EIF4E1B: variants seen among roughly 807,000 people sequenced by gnomAD.
EIF4E1B encodes the protein eukaryotic translation initiation factor 4E type 1B.
Under a neutral mutation model 31.3 loss-of-function variants are expected in EIF4E1B, and 22 were observed. The ratio of observed to expected loss-of-function variants is 0.70; its 90% CI spans 0.50 to 1.00. EIF4E1B has a LOEUF of 1.00. EIF4E1B is among the 50% of genes least tolerant of loss of function. EIF4E1B has a pLI of 0.00. For synonymous variants in EIF4E1B, 126 were observed against 120.2 expected, an observed-to-expected ratio of 1.05 and a Z score of -0.31; for missense variants, 290 against 311.6, an observed-to-expected ratio of 0.93 and a Z score of 0.52.
At position 176,638,697 on chromosome 5, in the gene EIF4E1B, G is replaced by T. The variant is rs1452649041; in HGVS notation, c.-201-3346G>T. ...GCTCCATGTGCTCAGGGCATGGGAG[G>T]CTGGATCGCCTAAGAACCTTGCAAG... On this transcript the variant is annotated intron_variant, in intron 1 of 8. Transcript: ENST00000318682. This position sits in a 1 kb window ranked among gnomAD's most constrained non-coding sequence, Gnocchi z 4.3. 6.6e-6 allele frequency among the ~76,000 whole-genome samples: 1 copy of T among 152,236 alleles called. No individual in the cohort carries two copies. Among genetic ancestry groups the T allele is most frequent in the African/African-American group, 2.4e-5 (1 of 41,464 alleles).
rs2113452303 is a variant in EIF4E1B, at chr5:176,646,600, T to C, written c.*620T>C. On this transcript the variant is annotated 3_prime_UTR_variant, in exon 9 of 9. Transcript: ENST00000318682. The stretch of plus-strand genomic sequence containing the variant: ...GTGGATAAACTTGATAATAAAAGCT[T>C]AAGCATCTTTCTGTTCCTGTTTTAA... The C allele has an allele frequency of 6.6e-6, 1 of 152,444 alleles. No homozygotes were observed. Among genetic ancestry groups the C allele is most frequent in the South Asian group, 2.1e-4 (1 of 4,842 alleles). 9.4% of individuals were successfully genotyped at this position (152,444 alleles called of 1,614,324 possible). A position where few individuals can be genotyped will look rare whatever the true frequency, so the allele number is the denominator to read the frequency against.
At position 176,645,345 on chromosome 5, in the gene EIF4E1B, G is replaced by A. The variant is rs370180433; in HGVS notation, c.475-32G>A. 48 of 1,544,784 alleles carry A rather than the reference G, an allele frequency of 3.1e-5. No homozygotes were observed. The highest frequency in any genetic ancestry group is 1.6e-4 in the East Asian group (7 of 43,956). On this transcript the variant is annotated intron_variant, in intron 7 of 8. Coordinates refer to ENST00000318682, the MANE Select transcript of EIF4E1B (RefSeq NM_001099408.2). The surrounding 1 kb of genome is among the most constrained non-coding windows in gnomAD (Gnocchi z 5.4). ...GCAGGCCAGTCCCTATGTCCCAGCC[G>A]GTGATCTCACAACCCCCTACTTCGG...
In EIF4E1B at chr5:176,646,177, A is replaced by AC. The variant is rs1432546482; in HGVS notation, c.*199dup. The AC allele has an allele frequency of 3.6e-6, 2 of 552,562 alleles. No individual in the cohort carries two copies. The highest frequency in any genetic ancestry group is 5.9e-5 in the East Asian group (2 of 34,070). The allele number at this position is 552,562 out of a possible 1,614,324, so 34.2% of individuals were successfully genotyped here. On this transcript the variant is annotated 3_prime_UTR_variant, in exon 9 of 9. Coordinates refer to ENST00000318682, the MANE Select transcript of EIF4E1B (RefSeq NM_001099408.2). ...TGGGGGTAGTGGTGGCAGTCTGAGG[A>AC]CCTAGCTTGTCCTGGGGCCACAGGA...
At chr5:176,643,562 TC>T in intron 4 of EIF4E1B, 76 bp from the exon 5 acceptor site, 3 of 1,404,846 alleles carry the variant, frequency 2.1e-6, no homozygotes, top group Non-Finnish European at 3.0e-6. Context: ...GGGAGGGTCC[TC>T]CCTGTCAGTC....
chr5:176,634,456 A>G (rs549296650), intron 1 of EIF4E1B, among the ~76,000 whole-genome samples: 1 of 152,270 alleles, frequency 6.6e-6, no homozygotes, highest in South Asian at 2.1e-4. Context: ...TGAACAGAAA[A>G]TTGGTTCAGT....
At chr5:176,639,014 T>C (rs576026989) in intron 1 of EIF4E1B, among the ~76,000 whole-genome samples, 1 of 152,334 alleles carries the variant, frequency 6.6e-6, no homozygotes, top group African/African-American at 2.4e-5. Flanking sequence ...TTGGCCAGGC[T>C]ACTCTCGAAC....
intron 5 of EIF4E1B, chr5:176,644,113 G>A: frequency 1.7e-6 from 1 of 573,970 alleles, no homozygotes; most frequent in Non-Finnish European, 3.1e-6. Flanking sequence ...GGGTGAGAAG[G>A]CCTCGGCTGT....
intron 1 of EIF4E1B, among the ~76,000 whole-genome samples, chr5:176,635,840 G>A (rs866140336): frequency 3.3e-4 from 50 of 151,326 alleles, no homozygotes; most frequent in Admixed American, 7.9e-4. Flanking sequence ...TTTTTGAGAC[G>A]GAGTCTAGCT....
In EIF4E1B at chr5:176,646,061, G is replaced by T. The variant is rs1020516993; in HGVS notation, c.*81G>T. 52 of 1,231,240 alleles carry T rather than the reference G, an allele frequency of 4.2e-5. No individual in the cohort carries two copies. The highest frequency in any genetic ancestry group is 4.4e-5 in the Admixed American group (2 of 45,696). The allele number at this position is 1,231,240 out of a possible 1,614,324, so 76.3% of individuals were successfully genotyped here. ...CTTTGGGGGATGGGGCGGGACTGGG[G>T]ATCAGACAGCCTAGTTCTTACCTGT... On this transcript the variant is annotated 3_prime_UTR_variant, in exon 9 of 9. Coordinates refer to ENST00000318682, the MANE Select transcript of EIF4E1B (RefSeq NM_001099408.2).
chr5:176,640,335 T>C (rs368556763), intron 1 of EIF4E1B, among the ~76,000 whole-genome samples: 1 of 152,172 alleles, frequency 6.6e-6, no homozygotes, highest in South Asian at 2.1e-4. Context: ...CTAGCTGACC[T>C]CCCTTTGAAG....
rs1350575324 is a variant in EIF4E1B, at chr5:176,646,208, G to A, written c.*228G>A. On this transcript the variant is annotated 3_prime_UTR_variant, in exon 9 of 9. Coordinates refer to ENST00000318682, the MANE Select transcript of EIF4E1B (RefSeq NM_001099408.2). ...CTTGTCCTGGGGCCACAGGACAGCA[G>A]CAGGGTGGAAAAAACTCCTGAGGGT... 5 of 474,088 alleles carry A rather than the reference G, an allele frequency of 1.1e-5. No homozygotes were observed. The East Asian group carries it at 1.6e-4, about 16-fold the overall frequency. The allele number at this position is 474,088 out of a possible 1,614,324, so 29.4% of individuals were successfully genotyped here. A position where few individuals can be genotyped will look rare whatever the true frequency, so the allele number is the denominator to read the frequency against.
At chr5:176,637,300 G>T (rs574569263) in intron 1 of EIF4E1B, among the ~76,000 whole-genome samples, 1 of 152,278 alleles carries the variant, frequency 6.6e-6, no homozygotes, top group South Asian at 2.1e-4. Flanking sequence ...TCATCCAGGT[G>T]TGGTGATGTG....
At chr5:176,639,685 G>C (rs1440980731) in intron 1 of EIF4E1B, among the ~76,000 whole-genome samples, 1 of 152,152 alleles carries the variant, frequency 6.6e-6, no homozygotes, top group African/African-American at 2.4e-5. Flanking sequence ...GGGAAGCAAA[G>C]GCAGGAGAAT....
chr5:176,644,627 C>A, intron 6 of EIF4E1B, 188 bp downstream of exon 6: 1 of 615,514 alleles, frequency 1.6e-6, no homozygotes, highest in Non-Finnish European at 2.7e-6. Flanking sequence ...GCCCAAGCCG[C>A]ACCTTGGAGG....
chr5:176,644,348 T>C, intron 5 of EIF4E1B, 28 bp from the exon 6 acceptor site: 1 of 1,571,046 alleles, frequency 6.4e-7, no homozygotes, highest in South Asian at 1.2e-5. Flanking sequence ...GCCTTGACTT[T>C]TGGCATGGGG....
intron 3 of EIF4E1B, 47 bp downstream of exon 3, chr5:176,642,849 T>TCAC: frequency 8.5e-7 from 1 of 1,181,920 alleles, no homozygotes; most frequent in African/African-American, 3.5e-5. Context: ...GGCCCCGCCC[T>TCAC]CTCCCCCCCC....
intron 1 of EIF4E1B, among the ~76,000 whole-genome samples, chr5:176,632,188 A>G (rs1760409524): frequency 6.6e-6 from 1 of 152,234 alleles, no homozygotes; most frequent in Non-Finnish European, 1.5e-5. Flanking sequence ...ATCACATACT[A>G]TATACATTAT....
chr5:176,645,024 G>A lies in EIF4E1B; in HGVS notation c.361-106G>A, dbSNP rs920474000. 6 of 963,532 alleles carry A rather than the reference G, an allele frequency of 6.2e-6. No homozygotes were observed. The highest frequency in any genetic ancestry group is 9.3e-6 in the Non-Finnish European group (6 of 644,030). The allele number at this position is 963,532 out of a possible 1,614,324, so 59.7% of individuals were successfully genotyped here. A position where few individuals can be genotyped will look rare whatever the true frequency, so the allele number is the denominator to read the frequency against. On this transcript the variant is annotated intron_variant, in intron 6 of 8. Transcript: ENST00000318682. The surrounding 1 kb of genome is among the most constrained non-coding windows in gnomAD (Gnocchi z 5.4). ...GAGGGAAGGGAGGATAAGAGAATCTGGCCTACTTAGGGCCTCAGCAGAGAG... is the reference window on the plus strand; with the variant it reads ...GAGGGAAGGGAGGATAAGAGAATCTAGCCTACTTAGGGCCTCAGCAGAGAG...
chr5:176,645,063 G>T lies in EIF4E1B; in HGVS notation c.361-67G>T. ...CTCAGCAGAGAGCGGATAAGGCCGG[G>T]ATGGTGGGTGGGTCCCCATTTCCCT... On this transcript the variant is annotated intron_variant, in intron 6 of 8. Coordinates refer to ENST00000318682, the MANE Select transcript of EIF4E1B (RefSeq NM_001099408.2). This position sits in a 1 kb window ranked among gnomAD's most constrained non-coding sequence, Gnocchi z 5.4. The T allele has an allele frequency of 1.4e-6, 2 of 1,407,234 alleles. No homozygotes were observed. Among genetic ancestry groups the T allele is most frequent in the Non-Finnish European group, 1.9e-6 (2 of 1,025,928 alleles). 87.2% of individuals were successfully genotyped at this position (1,407,234 alleles called of 1,614,324 possible). A position where few individuals can be genotyped will look rare whatever the true frequency, so the allele number is the denominator to read the frequency against.
Sources: gnomAD v4.1 joint callset for allele counts (sites outside exome capture counted in the v4.1 genomes callset) on GRCh38, gnomAD v4.1.1 for gene constraint, Gnocchi (gnomAD v3.1) non-coding constraint, MANE v1.5 for transcripts, NCBI Gene and HGNC (gene_info 2026-07-23, HGNC 2026-07-21) for gene names.